The following CNTN5 variants were observed in gnomAD, a reference collection of about 807,000 sequenced individuals.
CNTN5 encodes the protein contactin 5.
CNTN5 carries 77 observed loss-of-function variants against 129.1 expected under a neutral mutation model. The observed-to-expected ratio is 0.60, with a 90% CI of 0.50 to 0.72. The LOEUF (loss-of-function observed/expected upper bound fraction) is 0.72. Among genes scored for constraint, CNTN5 ranks in the 30% least tolerant of loss-of-function variants. The pLI is 0.00. For missense variants in CNTN5, 1,478 were observed against 1,328.8 expected, an observed-to-expected ratio of 1.11 and a Z score of -1.75; for synonymous variants, 509 against 465.6, an observed-to-expected ratio of 1.09 and a Z score of -1.20.
intron 6 of CNTN5, among the ~76,000 whole-genome samples, chr11:99,883,306 T>C (rs951030237): frequency 2.0e-5 from 3 of 152,222 alleles, no homozygotes; most frequent in Non-Finnish European, 4.4e-5. Flanking sequence ...TTCTCCGTAG[T>C]GGCTGTACTA....
At chr11:100,329,931 C>T (rs1161605409) in intron 21 of CNTN5, among the ~76,000 whole-genome samples, 1 of 152,090 alleles carries the variant, frequency 6.6e-6, no homozygotes, top group Non-Finnish European at 1.5e-5. Context: ...TTTAACACCC[C>T]CAAAAGATCA....
chr11:99,501,020 A>G (rs1015908766), intron 2 of CNTN5, among the ~76,000 whole-genome samples: 4 of 152,172 alleles, frequency 2.6e-5, no homozygotes, highest in Non-Finnish European at 4.4e-5. Flanking sequence ...CCATGCATAC[A>G]TACGTGTATT....
At chr11:99,330,202 G>A (rs1278040694) in intron 2 of CNTN5, among the ~76,000 whole-genome samples, 5 of 150,464 alleles carry the variant, frequency 3.3e-5, no homozygotes. Context: ...AGGAGGAAGG[G>A]AGGAAGGAAA....
chr11:100,267,515 C>T (rs767551144), intron 17 of CNTN5, among the ~76,000 whole-genome samples: 6 of 151,878 alleles, frequency 4.0e-5, no homozygotes, highest in African/African-American at 1.2e-4. Context: ...TATGCCTTAC[C>T]GAGAAGGTAT....
intron 9 of CNTN5, among the ~76,000 whole-genome samples, chr11:100,007,156 T>C (rs904224426): frequency 9.2e-5 from 14 of 152,072 alleles, no homozygotes; most frequent in African/African-American, 3.4e-4. Flanking sequence ...GCTGTAAACA[T>C]GCAGTGTCAC....
In CNTN5 at chr11:99,922,851, G is replaced by A. The variant is rs141223456; in HGVS notation, c.673+6702G>A. On this transcript the variant is annotated intron_variant, in intron 7 of 24. Transcript: ENST00000524871. ...CGCATGTTAAATAACTGAGTGAAAT[G>A]CAGATTCTAACAGTTGAGTTTTGCA... Among the ~76,000 whole-genome samples the A allele has an allele frequency of 8.5e-4, 129 of 152,298 alleles. 1 individual carries two copies. The South Asian group carries it at 0.01, about 12-fold the overall frequency.
intron 3 of CNTN5, among the ~76,000 whole-genome samples, chr11:99,708,663 T>G (rs1425904733): frequency 5.9e-5 from 9 of 151,754 alleles, no homozygotes; most frequent in Non-Finnish European, 1.3e-4. Context: ...TGCCTACTGA[T>G]GCCTACTTTC....
chr11:100,103,800 A>C (rs1289465901), intron 13 of CNTN5, among the ~76,000 whole-genome samples: 3 of 152,160 alleles, frequency 2.0e-5, no homozygotes, highest in Non-Finnish European at 4.4e-5. Context: ...GAAATTCTAC[A>C]AGAAAGGCTT....
At chr11:99,194,561 G>T (rs1365535848) in intron 1 of CNTN5, among the ~76,000 whole-genome samples, 5 of 152,086 alleles carry the variant, frequency 3.3e-5, no homozygotes, top group African/African-American at 9.7e-5. Flanking sequence ...GAGCAAAAAA[G>T]ATTACTTAGA....
intron 2 of CNTN5, among the ~76,000 whole-genome samples, chr11:99,510,003 A>T (rs549732377): frequency 7.9e-5 from 12 of 151,164 alleles, no homozygotes; most frequent in South Asian, 6.3e-4. Context: ...CCTCAATTTT[A>T]AAAAAAATGT....
intron 6 of CNTN5, among the ~76,000 whole-genome samples, chr11:99,846,357 C>CAAAAAAAAAAAAAAAAAAAAAAAAAAA (rs35705639): frequency 1.6e-5 from 1 of 61,424 alleles, no homozygotes; most frequent in Non-Finnish European, 2.9e-5. Context: ...GGATCTGTCT[C>CAAAAAAAAAAAAAAAAAAAAAAAAAAA]AAAAAAAAAA....
At chr11:99,966,213 G>C (rs1238991194) in intron 8 of CNTN5, among the ~76,000 whole-genome samples, 1 of 152,136 alleles carries the variant, frequency 6.6e-6, no homozygotes, top group East Asian at 1.9e-4. Flanking sequence ...CATATGCAAA[G>C]GCAGTATTTT....
At chr11:99,610,611 G>A (rs745828624) in intron 3 of CNTN5, among the ~76,000 whole-genome samples, 5 of 152,146 alleles carry the variant, frequency 3.3e-5, no homozygotes, top group Admixed American at 1.3e-4. Context: ...AAAGCAAAAC[G>A]TAGTTTCAGT....
chr11:100,276,943 A>G (rs1048756683), intron 18 of CNTN5, among the ~76,000 whole-genome samples: 3 of 151,646 alleles, frequency 2.0e-5, no homozygotes, highest in African/African-American at 4.9e-5. Context: ...TCCATTAACC[A>G]TCTTCCCTTC....
chr11:99,738,040 C>A (rs1447694469), intron 3 of CNTN5, among the ~76,000 whole-genome samples: 1 of 152,034 alleles, frequency 6.6e-6, no homozygotes, highest in African/African-American at 2.4e-5. Context: ...TATGCAGTAT[C>A]GTTAGAGAAA....
chr11:99,893,998 G>GT lies in CNTN5; in HGVS notation c.578-22046dup, dbSNP rs202095061. ...CAGCTGTTGCCACTGCCTTGCCAGGGTTTTTTTTTTCCAAAAGGGAGCTAC... is the reference window on the plus strand; with the variant it reads ...CAGCTGTTGCCACTGCCTTGCCAGGGTTTTTTTTTTTCCAAAAGGGAGCTAC... On this transcript the variant is annotated intron_variant, in intron 6 of 24. Transcript: ENST00000524871. 7.6e-3 allele frequency among the ~76,000 whole-genome samples: 1,134 copies of GT among 149,078 alleles called. 3 individuals carry two copies. The highest frequency in any genetic ancestry group is 0.014 in the African/African-American group (560 of 40,786).
chr11:99,805,536 C>A (rs1285973661), intron 3 of CNTN5, among the ~76,000 whole-genome samples: 1 of 152,166 alleles, frequency 6.6e-6, no homozygotes. Flanking sequence ...GTAGACACAG[C>A]CTTGCAATCA....
At position 99,906,834 on chromosome 11, in the gene CNTN5, G is replaced by C. The variant is rs941126473; in HGVS notation, c.578-9220G>C. 2.6e-5 allele frequency among the ~76,000 whole-genome samples: 4 copies of C among 152,046 alleles called. No individual in the cohort carries two copies. The East Asian group carries it at 7.7e-4, about 29-fold the overall frequency. On this transcript the variant is annotated intron_variant, in intron 6 of 24. Transcript: ENST00000524871. ...GCCTCAATTTCAGAGTTTGTTACTG[G>C]TCTATTCAGAGGTTTGACTTCTTTC...
chr11:99,933,684 T>C (rs1488315569), intron 7 of CNTN5, among the ~76,000 whole-genome samples: 1 of 152,198 alleles, frequency 6.6e-6, no homozygotes, highest in Non-Finnish European at 1.5e-5. Context: ...TTGCTGAATA[T>C]TTCATTGTTG....
Sources: allele counts gnomAD v4.1 joint callset (sites outside exome capture counted in the v4.1 genomes callset), GRCh38; gene constraint gnomAD v4.1.1; transcripts MANE v1.5; gene names NCBI Gene and HGNC (gene_info 2026-07-23, HGNC 2026-07-21).